Variants in RBPJ observed in about 807,000 individuals in gnomAD.
RBPJ encodes the protein recombination signal binding protein for immunoglobulin kappa J region.
In RBPJ, 9 loss-of-function variants were observed where a neutral mutation model predicts 67.8. The observed-to-expected ratio is 0.13, with a 90% CI of 0.08 to 0.23. The LOEUF is 0.23. Ranked by LOEUF, RBPJ falls within the 10% of genes least tolerant of loss-of-function variation. The probability of loss-of-function intolerance (pLI) is 1.00; values close to 1 mark genes in which losing one functional copy is unlikely to be tolerated. For synonymous variants in RBPJ, 198 were observed against 203.3 expected (o/e 0.97, Z 0.22); for missense variants, 305 against 595.6 (o/e 0.51, Z 5.08).
rs548959767 is a variant in RBPJ, at chr4:26,242,237, G to A, written c.-167+78623G>A. On this transcript the variant is annotated intron_variant, in intron 1 of 4. Transcript: ENST00000512351. ...CCGAGGCGGGCGGATCACGAGGTCA[G>A]GAGATCGAGACCATCCTGGCTAACA... Among the ~76,000 whole-genome samples, 41 of 152,160 alleles carry A rather than the reference G, an allele frequency of 2.7e-4. 1 individual carries two copies. In the South Asian group the frequency reaches 8.3e-3, roughly 31 times the overall value.
At chr4:26,341,793 A>G (rs1388705637) in intron 1 of RBPJ, among the ~76,000 whole-genome samples, 5 of 152,168 alleles carry the variant, frequency 3.3e-5, no homozygotes, top group African/African-American at 7.2e-5. Flanking sequence ...TCTGTTGTAA[A>G]AGGATGCAAA....
upstream of RBPJ, among the ~76,000 whole-genome samples, chr4:26,318,442 G>A (rs186895314): frequency 7.7e-3 from 1,166 of 152,216 alleles, 57 homozygotes; most frequent in Admixed American, 0.071. Flanking sequence ...GCAGCCATAC[G>A]TAAAATGGAA....
At position 26,415,514 on chromosome 4, in the gene RBPJ, T is replaced by C. The variant is rs2270226; in HGVS notation, c.195T>C (p.Ser65=). The change falls in exon 4 of 11, where the codon AGT becomes AGC. Residue 65 remains serine (S), a synonymous_variant. Transcript: ENST00000355476. ...CTCCTTGTGTATATCTTATGGGCAGTGGATGGAAGAAAAAAAAAGAACAAA... is the reference window on the plus strand; with the variant it reads ...CTCCTTGTGTATATCTTATGGGCAGCGGATGGAAGAAAAAAAAAGAACAAA... ...CPPPCVYLMG[S]GWKKKKEQME... 907,732 of 1,609,306 alleles carry C rather than the reference T, an allele frequency of 0.56. 258,721 individuals are homozygous for C. Among genetic ancestry groups the C allele is most frequent in the Admixed American group, 0.69 (41,081 of 59,484 alleles).
At chr4:26,307,682 T>C (rs1342511578) in intron 1 of RBPJ, among the ~76,000 whole-genome samples, 2 of 152,178 alleles carry the variant, frequency 1.3e-5, no homozygotes, top group Non-Finnish European at 2.9e-5. Flanking sequence ...TCAAAAGTTA[T>C]TCTGAGGGTA....
chr4:26,320,491 G>A (rs1722900373), upstream of RBPJ: 7 of 461,212 alleles, frequency 1.5e-5, no homozygotes, highest in East Asian at 2.5e-4. Flanking sequence ...GCATAAAGGA[G>A]GCGCCCAGGG....
At chr4:26,192,828 G>A (rs769269772) in intron 1 of RBPJ, among the ~76,000 whole-genome samples, 9 of 152,136 alleles carry the variant, frequency 5.9e-5, no homozygotes, top group South Asian at 4.1e-4. Flanking sequence ...CCTCCAAAAT[G>A]TCCATATCCT....
chr4:26,273,789 C>A (rs1720990334), intron 1 of RBPJ, among the ~76,000 whole-genome samples: 1 of 152,222 alleles, frequency 6.6e-6, no homozygotes, highest in Admixed American at 6.5e-5. Flanking sequence ...GTGCCCCTTG[C>A]CGCCACCCTT....
chr4:26,304,742 C>T (rs1722178160), intron 1 of RBPJ, among the ~76,000 whole-genome samples: 1 of 150,476 alleles, frequency 6.6e-6, no homozygotes, highest in Non-Finnish European at 1.5e-5. Context: ...CGATACTAGA[C>T]CCATTTCACA....
At chr4:26,383,476 T>C (rs988117246) in intron 1 of RBPJ, among the ~76,000 whole-genome samples, 3 of 152,218 alleles carry the variant, frequency 2.0e-5, no homozygotes, top group Non-Finnish European at 4.4e-5. Context: ...TTATCTCATT[T>C]GTTAACTGTG....
upstream of RBPJ, among the ~76,000 whole-genome samples, chr4:26,159,799 G>A (rs1329807698): frequency 6.6e-6 from 1 of 152,114 alleles, no homozygotes. Context: ...TCCAAAGCTG[G>A]CCAAGTGGCT....
At chr4:26,246,528 T>A (rs113124504) in intron 1 of RBPJ, among the ~76,000 whole-genome samples, 8 of 152,350 alleles carry the variant, frequency 5.3e-5, no homozygotes, top group African/African-American at 1.9e-4. Context: ...GGGAATTGTA[T>A]CAGCTTGGCT....
At chr4:26,217,834 G>T (rs1047199652) in intron 1 of RBPJ, among the ~76,000 whole-genome samples, 1 of 152,180 alleles carries the variant, frequency 6.6e-6, no homozygotes, top group African/African-American at 2.4e-5. Context: ...GTCAGACCTG[G>T]GTTTGGACAG....
At chr4:26,216,713 G>A (rs1577483654) in intron 1 of RBPJ, among the ~76,000 whole-genome samples, 1 of 152,216 alleles carries the variant, frequency 6.6e-6, no homozygotes, top group African/African-American at 2.4e-5. Flanking sequence ...ACTTAAGCCT[G>A]GGAGTTTGCG....
the RBPJ span, among the ~76,000 whole-genome samples, chr4:26,139,367 C>T: frequency 1.3e-4 from 20 of 152,234 alleles, no homozygotes; most frequent in Non-Finnish European, 2.5e-4. Flanking sequence ...TGCGAGGGAC[C>T]AGTGGGTTGG....
chr4:26,394,117 C>T (rs924622853), intron 2 of RBPJ, among the ~76,000 whole-genome samples: 5 of 151,592 alleles, frequency 3.3e-5, no homozygotes, highest in Admixed American at 2.0e-4. Flanking sequence ...AGCTCGGCTT[C>T]CCGGGTTCGC....
chr4:26,415,696 T>C (rs1194380984), intron 4 of RBPJ, 56 bp downstream of exon 4: 2 of 1,472,930 alleles, frequency 1.4e-6, no homozygotes, highest in Non-Finnish European at 1.8e-6. Context: ...AGAATGTAGT[T>C]TTCATATTCA....
chr4:26,433,969 C>G lies in RBPJ; in HGVS notation c.*2962C>G, dbSNP rs1736459899. The G allele has an allele frequency of 1.3e-5, 2 of 152,158 alleles. No individual in the cohort carries two copies. Among genetic ancestry groups the G allele is most frequent in the Admixed American group, 1.3e-4 (2 of 15,276 alleles). The allele number at this position is 152,158 out of a possible 1,614,324, so 9.4% of individuals were successfully genotyped here. ...CTGTTTTAGAAATGTATCTTATGCTCTCATGACTATGCAGTTTCTAAACAT... is the reference window on the plus strand; with the variant it reads ...CTGTTTTAGAAATGTATCTTATGCTGTCATGACTATGCAGTTTCTAAACAT... On this transcript the variant is annotated 3_prime_UTR_variant, in exon 11 of 11. Coordinates refer to ENST00000355476, the MANE Select transcript of RBPJ (RefSeq NM_015874.6).
chr4:26,137,276 G>A, the RBPJ span, among the ~76,000 whole-genome samples: 1 of 152,132 alleles, frequency 6.6e-6, no homozygotes, highest in African/African-American at 2.4e-5. Flanking sequence ...GGATTTGGGG[G>A]AGATCTTGTC....
chr4:26,214,161 G>C (rs987746883), intron 1 of RBPJ, among the ~76,000 whole-genome samples: 2 of 148,306 alleles, frequency 1.3e-5, no homozygotes, highest in East Asian at 4.0e-4. Flanking sequence ...GAGAAAGAGA[G>C]AAAAGAGAGA....
Sources: allele counts gnomAD v4.1 joint callset (sites outside exome capture counted in the v4.1 genomes callset), GRCh38; gene constraint gnomAD v4.1.1; transcripts MANE v1.5; gene names NCBI Gene and HGNC (gene_info 2026-07-23, HGNC 2026-07-21).